The following TBC1D5 variants were observed in gnomAD, a reference collection of about 807,000 sequenced individuals.
TBC1D5 encodes the protein TBC1 domain family member 5.
TBC1D5 carries 75 observed loss-of-function variants against 100.3 expected under a neutral mutation model. The ratio of observed to expected loss-of-function variants is 0.75; its 90% confidence interval spans 0.62 to 0.91. TBC1D5 has a LOEUF of 0.91. Among genes scored for constraint, TBC1D5 ranks in the 40% least tolerant of loss-of-function variants. The pLI, the probability that TBC1D5 is intolerant of heterozygous loss-of-function variation, is 0.00. For missense variants in TBC1D5, 910 were observed against 942.4 expected (o/e 0.97, Z 0.45); for synonymous variants, 323 against 325.6 (o/e 0.99, Z 0.09).
At chr3:17,558,912 C>T (rs2096538892) in intron 2 of TBC1D5, among the ~76,000 whole-genome samples, 1 of 152,100 alleles carries the variant, frequency 6.6e-6, no homozygotes, top group East Asian at 1.9e-4. Flanking sequence ...AAAATGGATG[C>T]CAGGCCAGAT....
rs60889092 is a variant in TBC1D5 at position 17,591,233 on chromosome 3, C to CAAAAAAAAAAAAAAAAAAAAA, written c.-36+32595_-36+32615dup. ...ACTGGGCTACAAAGAAAGGATCTGTCAAAAAAAAAAAAAAAAAAAAAAAAA... is the reference window on the plus strand; with the variant it reads ...ACTGGGCTACAAAGAAAGGATCTGTCAAAAAAAAAAAAAAAAAAAAAAAAAAAAAAAAAAAAAAAAAAAAAA... On this transcript the variant is annotated intron_variant, in intron 2 of 21. Transcript: ENST00000253692. 1.1e-3 allele frequency among the ~76,000 whole-genome samples: 20 copies of CAAAAAAAAAAAAAAAAAAAAA among 18,662 alleles called. 3 individuals are homozygous for CAAAAAAAAAAAAAAAAAAAAA. The highest frequency in any genetic ancestry group is 2.2e-3 in the Non-Finnish European group (16 of 7,130). The allele number at this position is 18,662 out of a possible 152,430, so 12.2% of individuals were successfully genotyped here. A position where few individuals can be genotyped will look rare whatever the true frequency, so the allele number is the denominator to read the frequency against.
At chr3:17,256,631 A>T (rs1270643580) in intron 16 of TBC1D5, among the ~76,000 whole-genome samples, 2 of 152,128 alleles carry the variant, frequency 1.3e-5, no homozygotes, top group East Asian at 3.8e-4. Flanking sequence ...AATTCATATA[A>T]CAAATATGTG....
intron 1 of TBC1D5, among the ~76,000 whole-genome samples, chr3:17,674,969 T>C (rs374533239): frequency 6.6e-6 from 1 of 152,120 alleles, no homozygotes; most frequent in Non-Finnish European, 1.5e-5. Context: ...ATCCCAACCA[T>C]GTTTTATGAA....
chr3:17,345,785 T>C (rs1310696406), intron 13 of TBC1D5, among the ~76,000 whole-genome samples: 7 of 152,210 alleles, frequency 4.6e-5, no homozygotes, highest in East Asian at 1.9e-4. Flanking sequence ...GGGGATGAAA[T>C]TGGAAATCAT....
intron 1 of TBC1D5, among the ~76,000 whole-genome samples, chr3:17,642,811 A>C (rs1263051667): frequency 3.3e-5 from 5 of 152,192 alleles, no homozygotes; most frequent in African/African-American, 1.2e-4. Context: ...GTAAGAACGT[A>C]CTACATCAAA....
intron 1 of TBC1D5, among the ~76,000 whole-genome samples, chr3:17,682,687 C>A (rs1331694220): frequency 6.6e-6 from 1 of 151,498 alleles, no homozygotes; most frequent in Non-Finnish European, 1.5e-5. Context: ...TTACAGTATA[C>A]TCTTTCATTC....
chr3:17,539,253 G>A (rs985065693), intron 2 of TBC1D5, among the ~76,000 whole-genome samples: 4 of 152,174 alleles, frequency 2.6e-5, no homozygotes, highest in Non-Finnish European at 5.9e-5. Context: ...AGGGGTTGTA[G>A]AGACCATGGT....
intron 17 of TBC1D5, among the ~76,000 whole-genome samples, chr3:17,225,457 C>CA (rs2074778958): frequency 8.2e-6 from 1 of 121,482 alleles, no homozygotes. Context: ...AAAAAAAAAA[C>CA]AAAAAACAAA....
chr3:17,183,660 A>G (rs1474635528), intron 19 of TBC1D5, among the ~76,000 whole-genome samples: 5 of 152,206 alleles, frequency 3.3e-5, no homozygotes, highest in Admixed American at 6.5e-5. Flanking sequence ...GTAGAACAGG[A>G]CCCAGCCAGC....
intron 2 of TBC1D5, among the ~76,000 whole-genome samples, chr3:17,583,370 A>G (rs975876199): frequency 6.6e-6 from 1 of 152,106 alleles, no homozygotes; most frequent in African/African-American, 2.4e-5. Context: ...TATCGGTATC[A>G]TAAGATTTCC....
At chr3:17,659,730 G>A (rs1247374353) in intron 1 of TBC1D5, among the ~76,000 whole-genome samples, 1 of 151,946 alleles carries the variant, frequency 6.6e-6, no homozygotes, top group African/African-American at 2.4e-5. Flanking sequence ...ACTTACATTT[G>A]CTCCAATATT....
chr3:17,434,566 G>A (rs1255608378), intron 3 of TBC1D5, among the ~76,000 whole-genome samples: 1 of 152,096 alleles, frequency 6.6e-6, no homozygotes, highest in African/African-American at 2.4e-5. Flanking sequence ...TAATACCTGA[G>A]GTCTTTATAA....
intron 2 of TBC1D5, among the ~76,000 whole-genome samples, chr3:17,619,007 G>A (rs111901931): frequency 6.6e-6 from 1 of 152,138 alleles, no homozygotes; most frequent in Non-Finnish European, 1.5e-5. Flanking sequence ...GCTGCAGACC[G>A]GAGCTGTTCC....
chr3:17,583,361 A>G (rs1235724723), intron 2 of TBC1D5, among the ~76,000 whole-genome samples: 1 of 152,158 alleles, frequency 6.6e-6, no homozygotes, highest in Admixed American at 6.5e-5. Context: ...AAAGTCATTT[A>G]TCGGTATCAT....
intron 3 of TBC1D5, among the ~76,000 whole-genome samples, chr3:17,441,852 A>G (rs1463883218): frequency 2.0e-5 from 3 of 152,312 alleles, no homozygotes; most frequent in African/African-American, 4.8e-5. Flanking sequence ...GACTTAAAAC[A>G]GATCACAATA....
intron 3 of TBC1D5, among the ~76,000 whole-genome samples, chr3:17,429,888 CTCT>C (rs768529808): frequency 4.0e-5 from 6 of 151,788 alleles, no homozygotes; most frequent in Non-Finnish European, 7.4e-5. Flanking sequence ...TTCAACTCTA[CTCT>C]TTTTTCAAAA....
At chr3:17,291,838 G>C in intron 15 of TBC1D5, 57 bp downstream of exon 15, 1 of 1,471,382 alleles carries the variant, frequency 6.8e-7, no homozygotes, top group Non-Finnish European at 9.4e-7. Flanking sequence ...ACTCTACACA[G>C]AGAAGCCTAT....
At chr3:17,510,590 G>C (rs554128218) in intron 2 of TBC1D5, among the ~76,000 whole-genome samples, 2 of 152,042 alleles carry the variant, frequency 1.3e-5, no homozygotes, top group South Asian at 4.1e-4. Context: ...ATCTAGTAGA[G>C]GACAGCGAAA....
intron 3 of TBC1D5, among the ~76,000 whole-genome samples, chr3:17,496,214 A>G (rs1432364612): frequency 6.6e-6 from 1 of 152,248 alleles, no homozygotes; most frequent in African/African-American, 2.4e-5. Flanking sequence ...AGCAAATGTA[A>G]TTGTGAGAAC....
Sources: allele counts gnomAD v4.1 joint callset (sites outside exome capture counted in the v4.1 genomes callset), GRCh38; gene constraint gnomAD v4.1.1; transcripts MANE v1.5; gene names NCBI Gene and HGNC (gene_info 2026-07-23, HGNC 2026-07-21).